CSMD3: variants seen among roughly 807,000 people sequenced by gnomAD.
CSMD3 encodes CUB and sushi domain-containing protein 3.
Under a neutral mutation model 435.2 loss-of-function variants are expected in CSMD3, and 177 were observed. The ratio of observed to expected loss-of-function variants is 0.41; its 90% confidence interval spans 0.36 to 0.46. The LOEUF (loss-of-function observed/expected upper bound fraction) is 0.46, where lower values mean the gene tolerates loss of function less well. CSMD3 is among the 20% of genes least tolerant of loss of function. CSMD3 has a pLI of 0.34. For missense variants in CSMD3, 4,265 were observed against 4,504.6 expected (o/e 0.95, Z 1.52); for synonymous variants, 1,656 against 1,520.5 (o/e 1.09, Z -2.07).
intron 12 of CSMD3, among the ~76,000 whole-genome samples, chr8:112,807,537 T>C (rs13268502): frequency 1.1e-5 from 1 of 87,266 alleles, no homozygotes; most frequent in Non-Finnish European, 3.0e-5. Flanking sequence ...GGTAGGTAGG[T>C]AGGAAATACA....
chr8:113,023,665 A>G (rs968424269), intron 5 of CSMD3, among the ~76,000 whole-genome samples: 22 of 152,028 alleles, frequency 1.4e-4, no homozygotes, highest in Middle Eastern at 3.2e-3. Context: ...ACATTTATTG[A>G]TTTACTCTAA....
At chr8:112,745,637 T>C (rs1265551033) in intron 13 of CSMD3, among the ~76,000 whole-genome samples, 5 of 151,948 alleles carry the variant, frequency 3.3e-5, no homozygotes, top group African/African-American at 1.2e-4. Flanking sequence ...TGGATATTCA[T>C]GCAAAAATTT....
At chr8:112,942,057 T>C (rs1009537665) in intron 9 of CSMD3, among the ~76,000 whole-genome samples, 18 of 151,752 alleles carry the variant, frequency 1.2e-4, no homozygotes, top group African/African-American at 4.3e-4. Context: ...TCCGACAGAA[T>C]AGATTCACTG....
chr8:113,357,430 T>C (rs1163539752), intron 1 of CSMD3, among the ~76,000 whole-genome samples: 1 of 152,248 alleles, frequency 6.6e-6, no homozygotes, highest in Non-Finnish European at 1.5e-5. Flanking sequence ...CATGTCATTA[T>C]TCAGTACTTG....
At chr8:112,786,440 A>G (rs1338567115) in intron 13 of CSMD3, among the ~76,000 whole-genome samples, 1 of 152,136 alleles carries the variant, frequency 6.6e-6, no homozygotes, top group Non-Finnish European at 1.5e-5. Flanking sequence ...TCAAGTTTAA[A>G]AGCTTTTGCT....
At chr8:112,800,488 G>A (rs2078935195) in intron 12 of CSMD3, among the ~76,000 whole-genome samples, 1 of 151,970 alleles carries the variant, frequency 6.6e-6, no homozygotes. Flanking sequence ...AACTAGGAAA[G>A]ATCTTTCATG....
chr8:113,297,133 T>G (rs2093728778), intron 2 of CSMD3, among the ~76,000 whole-genome samples: 1 of 152,152 alleles, frequency 6.6e-6, no homozygotes, highest in Non-Finnish European at 1.5e-5. Flanking sequence ...ATTAAATTGT[T>G]TTATTAAGTT....
chr8:112,902,016 TATA>T (rs918288780), intron 10 of CSMD3, among the ~76,000 whole-genome samples: 31 of 151,442 alleles, frequency 2.0e-4, no homozygotes, highest in Non-Finnish European at 4.0e-4. Flanking sequence ...TGAATGCCCA[TATA>T]ATGTCAAAGA....
chr8:113,136,523 T>C (rs115441913), intron 4 of CSMD3, among the ~76,000 whole-genome samples: 1,527 of 151,810 alleles, frequency 0.01, 20 homozygotes, highest in African/African-American at 0.035. Context: ...TCTTGTCATG[T>C]TTAAGTCACA....
chr8:113,065,506 C>T lies in CSMD3; in HGVS notation c.917+33250G>A, dbSNP rs573555412. The stretch of plus-strand genomic sequence containing the variant: ...GGTTCACGCCATTCTCCTGCCTCAG[C>T]CTCCCGAGTAGCTGGGACTACAGGT... On this transcript the variant is annotated intron_variant, in intron 5 of 70. Coordinates refer to ENST00000297405, the MANE Select transcript of CSMD3 (RefSeq NM_198123.2). Among the ~76,000 whole-genome samples the T allele has an allele frequency of 3.9e-5, 6 of 152,224 alleles. No individual in the cohort carries two copies. In the South Asian group the frequency reaches 8.3e-4, roughly 21 times the overall value.
At chr8:112,300,515 C>G (rs1414603223) in intron 53 of CSMD3, among the ~76,000 whole-genome samples, 2 of 151,908 alleles carry the variant, frequency 1.3e-5, no homozygotes, top group Non-Finnish European at 2.9e-5. Flanking sequence ...GAAGTGGCCT[C>G]ATCCATATGC....
At chr8:113,009,646 T>C (rs1564204069) in intron 6 of CSMD3, among the ~76,000 whole-genome samples, 2 of 151,792 alleles carry the variant, frequency 1.3e-5, no homozygotes, top group Admixed American at 6.6e-5. Context: ...GTAATTGCTA[T>C]ATTTTCTGTA....
chr8:113,030,834 A>C (rs1197920881), intron 5 of CSMD3, among the ~76,000 whole-genome samples: 3 of 151,544 alleles, frequency 2.0e-5, no homozygotes, highest in African/African-American at 4.8e-5. Flanking sequence ...AAAAAGAAAA[A>C]AATTCACAAA....
chr8:112,403,450 C>A (rs1024519687), intron 35 of CSMD3, among the ~76,000 whole-genome samples: 4 of 152,008 alleles, frequency 2.6e-5, no homozygotes, highest in African/African-American at 9.7e-5. Flanking sequence ...GCTGCTATAA[C>A]AAAATACCAT....
intron 5 of CSMD3, among the ~76,000 whole-genome samples, chr8:113,038,377 T>C (rs1449229272): frequency 2.6e-5 from 4 of 152,194 alleles, no homozygotes; most frequent in Admixed American, 1.3e-4. Flanking sequence ...TTGTCAAATG[T>C]TTTCTATATG....
intron 5 of CSMD3, among the ~76,000 whole-genome samples, chr8:113,021,336 A>G (rs539966538): frequency 6.6e-6 from 1 of 152,326 alleles, no homozygotes; most frequent in African/African-American, 2.4e-5. Flanking sequence ...TCAGTGAAAA[A>G]CTATTTGGAT....
intron 22 of CSMD3, among the ~76,000 whole-genome samples, chr8:112,624,994 A>T (rs1013461472): frequency 3.4e-4 from 52 of 152,206 alleles, no homozygotes; most frequent in African/African-American, 1.2e-3. Context: ...ATCAATAAAT[A>T]CAATGCAATC....
chr8:112,553,403 T>C (rs1031106725), intron 25 of CSMD3, among the ~76,000 whole-genome samples: 5 of 152,080 alleles, frequency 3.3e-5, no homozygotes, highest in Admixed American at 3.3e-4. Context: ...ACTGTTGTGA[T>C]AACTGGAGTG....
intron 13 of CSMD3, among the ~76,000 whole-genome samples, chr8:112,792,513 C>T (rs1156741898): frequency 1.3e-5 from 2 of 152,114 alleles, no homozygotes; most frequent in Non-Finnish European, 2.9e-5. Context: ...TCTCTAGACA[C>T]CATCATATAT....
Sources: allele counts gnomAD v4.1 joint callset (sites outside exome capture counted in the v4.1 genomes callset), GRCh38; gene constraint gnomAD v4.1.1; transcripts MANE v1.5; gene names NCBI Gene and HGNC (gene_info 2026-07-23, HGNC 2026-07-21).